Variants in DAP3 observed in about 807,000 individuals in gnomAD.
DAP3 encodes death associated protein 3.
Under a neutral mutation model 51.9 loss-of-function variants are expected in DAP3, and 28 were observed. The observed-to-expected ratio is 0.54, with a 90% confidence interval of 0.40 to 0.74. The LOEUF is 0.74. Among genes scored for constraint, DAP3 ranks in the 30% least tolerant of loss-of-function variants. The probability of loss-of-function intolerance (pLI) is 0.00; values close to 1 mark genes in which losing one functional copy is unlikely to be tolerated. For missense variants in DAP3, 458 were observed against 483.5 expected (o/e 0.95, Z 0.49); for synonymous variants, 170 against 170.3 (o/e 1.00, Z 0.01).
intron 11 of DAP3, among the ~76,000 whole-genome samples, chr1:155,734,710 A>G (rs1378926822): frequency 6.6e-6 from 1 of 151,718 alleles, no homozygotes; most frequent in Non-Finnish European, 1.5e-5. Context: ...GTACATACAT[A>G]CATGTATGTA....
At chr1:155,715,312 A>G (rs1026131851) in intron 2 of DAP3, among the ~76,000 whole-genome samples, 1 of 151,754 alleles carries the variant, frequency 6.6e-6, no homozygotes, top group Non-Finnish European at 1.5e-5. Context: ...GCGTGAGTGC[A>G]GCAAGTTGGA....
chr1:155,710,007 A>C, intron 2 of DAP3, 183 bp downstream of exon 2: 1 of 496,154 alleles, frequency 2.0e-6, no homozygotes, highest in Admixed American at 3.5e-5. Context: ...ATTTTTCCAG[A>C]AAACATAAGT....
chr1:155,718,444 G>T (rs769787908), intron 3 of DAP3, among the ~76,000 whole-genome samples: 21 of 151,972 alleles, frequency 1.4e-4, no homozygotes, highest in Non-Finnish European at 2.6e-4. Flanking sequence ...CAGCATTTTG[G>T]GAAGCCAAGG....
At chr1:155,699,930 T>A (rs1654972925) in intron 1 of DAP3, among the ~76,000 whole-genome samples, 1 of 152,052 alleles carries the variant, frequency 6.6e-6, no homozygotes, top group African/African-American at 2.4e-5. Flanking sequence ...TGCCTATTTT[T>A]AAATTGAGTT....
chr1:155,708,473 T>C (rs1307168553), intron 1 of DAP3, among the ~76,000 whole-genome samples: 1 of 152,114 alleles, frequency 6.6e-6, no homozygotes, highest in East Asian at 1.9e-4. Context: ...TTGAATACAA[T>C]GTAATGTTTC....
chr1:155,709,598 A>C (rs1656441403), intron 1 of DAP3, among the ~76,000 whole-genome samples, 175 bp from the exon 2 acceptor site: 1 of 152,132 alleles, frequency 6.6e-6, no homozygotes, highest in African/African-American at 2.4e-5. Context: ...GTTTTCTGTG[A>C]AATGCCTGTT....
intron 1 of DAP3, among the ~76,000 whole-genome samples, chr1:155,697,792 C>T (rs1441097646): frequency 2.0e-5 from 3 of 152,236 alleles, no homozygotes; most frequent in African/African-American, 7.2e-5. Context: ...CTAGAATTCG[C>T]CAGGCTGGAA....
At position 155,696,784 on chromosome 1, in the gene DAP3, T is replaced by C. The variant is rs182127682; in HGVS notation, c.-8+7610T>C. 4.0e-4 allele frequency among the ~76,000 whole-genome samples: 61 copies of C among 152,370 alleles called. 1 individual carries two copies. Among genetic ancestry groups the C allele is most frequent in the Admixed American group, 3.9e-3 (60 of 15,306 alleles). On this transcript the variant is annotated intron_variant, in intron 1 of 12. Coordinates refer to ENST00000368336, the MANE Select transcript of DAP3 (RefSeq NM_004632.4). ...CATACCTTGGGGTAAAACCTTCCAA[T>C]GATATCTGGCTGCAGGTTCTTTGTT...
rs1466009264 is a variant in DAP3 at position 155,738,277 on chromosome 1, A to T, written c.*35A>T. 6.2e-7 allele frequency: 1 copy of T among 1,610,690 alleles called. No individual in the cohort carries two copies. Among genetic ancestry groups the T allele is most frequent in the African/African-American group, 1.3e-5 (1 of 75,004 alleles). On this transcript the variant is annotated 3_prime_UTR_variant, in exon 13 of 13. Coordinates refer to ENST00000368336, the MANE Select transcript of DAP3 (RefSeq NM_004632.4). ...ACAGCATGTGAGGAAGACAGTGGACATCTGCTTTATGCTGGACCCAGTAAG... is the reference window on the plus strand; with the variant it reads ...ACAGCATGTGAGGAAGACAGTGGACTTCTGCTTTATGCTGGACCCAGTAAG...
upstream of DAP3, chr1:155,688,397 C>T (rs1419779499): frequency 6.5e-7 from 1 of 1,544,074 alleles, no homozygotes; most frequent in Admixed American, 2.0e-5. Flanking sequence ...TAGCGACACC[C>T]CCAACCTCCC....
chr1:155,723,109 C>G (rs1431121633), intron 4 of DAP3, among the ~76,000 whole-genome samples: 1 of 151,856 alleles, frequency 6.6e-6, no homozygotes, highest in Non-Finnish European at 1.5e-5. Flanking sequence ...TGGAGCAGAC[C>G]TAACTCACGG....
chr1:155,704,105 C>T (rs1389725717), intron 1 of DAP3, among the ~76,000 whole-genome samples: 1 of 152,124 alleles, frequency 6.6e-6, no homozygotes, highest in Non-Finnish European at 1.5e-5. Flanking sequence ...CTAGATTGTG[C>T]CACTGCACTC....
intron 1 of DAP3, among the ~76,000 whole-genome samples, chr1:155,691,739 AAC>A (rs1653840739): frequency 7.0e-6 from 1 of 142,042 alleles, no homozygotes; most frequent in African/African-American, 3.2e-5. Context: ...GATTCTATCC[AAC>A]ACATGTTATT....
chr1:155,715,521 T>TA (rs1275487303), intron 2 of DAP3, among the ~76,000 whole-genome samples: 1 of 117,508 alleles, frequency 8.5e-6, no homozygotes. Flanking sequence ...GACCCTGTCT[T>TA]AAAAAAAAGA....
intron 7 of DAP3, among the ~76,000 whole-genome samples, 179 bp from the exon 8 acceptor site, chr1:155,728,859 CAAAA>C (rs34650481): frequency 1.5e-5 from 2 of 136,322 alleles, no homozygotes; most frequent in Non-Finnish European, 1.6e-5. Flanking sequence ...GAAGCTGTCT[CAAAA>C]AAAAAAAAAA....
At chr1:155,707,286 G>C (rs758995269) in intron 1 of DAP3, among the ~76,000 whole-genome samples, 1 of 151,086 alleles carries the variant, frequency 6.6e-6, no homozygotes, top group Non-Finnish European at 1.5e-5. Context: ...GGTGGTGGGC[G>C]CCTGTAGTCC....
intron 11 of DAP3, among the ~76,000 whole-genome samples, chr1:155,735,962 C>T (rs1214136462): frequency 1.3e-5 from 2 of 150,744 alleles, no homozygotes; most frequent in African/African-American, 2.5e-5. Flanking sequence ...CTGCCTCAGT[C>T]TCCCGAGTAG....
At chr1:155,736,342 C>T (rs939438781) in intron 11 of DAP3, among the ~76,000 whole-genome samples, 1 of 152,120 alleles carries the variant, frequency 6.6e-6, no homozygotes, top group African/African-American at 2.4e-5. Context: ...GTCCAAAATA[C>T]ATACACACAA....
upstream of DAP3, chr1:155,688,117 G>A (rs146736158): frequency 1.1e-5 from 17 of 1,611,100 alleles, no homozygotes; most frequent in Non-Finnish European, 1.4e-5. Context: ...GTGAGGAAGA[G>A]GGGGTGGCCG....
Sources: gnomAD v4.1 joint callset for allele counts (sites outside exome capture counted in the v4.1 genomes callset) on GRCh38, gnomAD v4.1.1 for gene constraint, MANE v1.5 for transcripts, NCBI Gene and HGNC (gene_info 2026-07-23, HGNC 2026-07-21) for gene names.